MPHOSPH8: variants seen among roughly 807,000 people sequenced by gnomAD.
MPHOSPH8 encodes M-phase phosphoprotein 8, also known as M-phase phosphoprotein, mpp.
A neutral mutation model predicts 87.3 loss-of-function variants in MPHOSPH8; 45 were observed. The observed-to-expected ratio is 0.52, with a 90% CI of 0.41 to 0.66. The LOEUF (loss-of-function observed/expected upper bound fraction) is 0.66, where lower values mean the gene tolerates loss of function less well. Among genes scored for constraint, MPHOSPH8 ranks in the 30% least tolerant of loss-of-function variants. MPHOSPH8 has a pLI of 0.00. For missense variants in MPHOSPH8, 883 were observed against 1,020.2 expected, an observed-to-expected ratio of 0.87 and a Z score of 1.83; for synonymous variants, 366 against 376.9, an observed-to-expected ratio of 0.97 and a Z score of 0.33.
At position 19,672,782 on chromosome 13, in the gene MPHOSPH8, A is replaced by G. The variant is rs1876208727; in HGVS notation, c.*907A>G. The G allele has an allele frequency of 8.7e-6, 2 of 229,348 alleles. No homozygotes were observed. The highest frequency in any genetic ancestry group is 4.9e-5 in the Admixed American group (1 of 20,446). 14.2% of individuals were successfully genotyped at this position (229,348 alleles called of 1,614,324 possible). ...TAGTAAGAATGTAAACCAGTACACT[A>G]TGAGACCTAAAAGAGAGTATTAAAT... On this transcript the variant is annotated 3_prime_UTR_variant, in exon 14 of 14. Coordinates refer to ENST00000361479, the MANE Select transcript of MPHOSPH8 (RefSeq NM_017520.4).
intron 10 of MPHOSPH8, among the ~76,000 whole-genome samples, chr13:19,667,504 G>T (rs978054628): frequency 1.2e-4 from 19 of 152,114 alleles, no homozygotes; most frequent in Admixed American, 1.1e-3. Context: ...TAAAAAGCCT[G>T]TGTTTTCCAC....
chr13:19,670,003 C>T lies in MPHOSPH8; in HGVS notation c.2330-233C>T, dbSNP rs111438592. 2.1e-3 allele frequency among the ~76,000 whole-genome samples: 322 copies of T among 152,250 alleles called. 1 individual carries two copies. The highest frequency in any genetic ancestry group is 5.7e-3 in the African/African-American group (237 of 41,532). On this transcript the variant is annotated intron_variant, in intron 11 of 13. Transcript: ENST00000361479. ...TAGAAAATCATACGTAAGTCTTTTC[C>T]AGGAACTGTCAGCAGAGATTACTTG...
chr13:19,660,150 A>G (rs1031662498), intron 7 of MPHOSPH8, among the ~76,000 whole-genome samples: 2 of 142,102 alleles, frequency 1.4e-5, no homozygotes, highest in African/African-American at 5.2e-5. Context: ...TTTTTTTTTT[A>G]GTAGAGACGG....
chr13:19,650,348 A>T, intron 5 of MPHOSPH8, 88 bp downstream of exon 5: 5 of 1,412,574 alleles, frequency 3.5e-6, no homozygotes, highest in Non-Finnish European at 4.8e-6. Flanking sequence ...GATCTCAACG[A>T]TCAAAAAATA....
intron 5 of MPHOSPH8, among the ~76,000 whole-genome samples, chr13:19,655,667 A>G (rs1217919891): frequency 1.3e-5 from 2 of 152,164 alleles, no homozygotes; most frequent in Admixed American, 1.3e-4. Context: ...TACAGGCATG[A>G]GCCACCATGA....
intron 13 of MPHOSPH8, 78 bp from the exon 14 acceptor site, chr13:19,671,756 G>T: frequency 7.6e-7 from 1 of 1,308,246 alleles, no homozygotes; most frequent in Non-Finnish European, 1.1e-6. Context: ...AGCAAATCTT[G>T]GCCATTTGTG....
At chr13:19,655,308 A>C (rs1875093612) in intron 5 of MPHOSPH8, among the ~76,000 whole-genome samples, 1 of 152,084 alleles carries the variant, frequency 6.6e-6, no homozygotes, top group Admixed American at 6.5e-5. Context: ...CTGTCTGTAC[A>C]AAAAATTAAA....
chr13:19,667,906 G>C (rs1389335863), intron 10 of MPHOSPH8, among the ~76,000 whole-genome samples: 1 of 152,182 alleles, frequency 6.6e-6, no homozygotes, highest in African/African-American at 2.4e-5. Flanking sequence ...TTATGTAGCA[G>C]GTCTCGGGTG....
chr13:19,658,715 A>C (rs756859050), intron 5 of MPHOSPH8, among the ~76,000 whole-genome samples: 14 of 152,286 alleles, frequency 9.2e-5, no homozygotes, highest in Admixed American at 2.0e-4. Flanking sequence ...CCTTCCTTTG[A>C]GCTACTTAGT....
rs369475371 is a variant in MPHOSPH8, at chr13:19,648,554, G to A, written c.1318+33G>A. 3.2e-3 allele frequency: 3,649 copies of A among 1,123,000 alleles called. 7 individuals carry two copies. Among genetic ancestry groups the A allele is most frequent in the Non-Finnish European group, 3.8e-3 (3,152 of 823,976 alleles). 69.6% of individuals were successfully genotyped at this position (1,123,000 alleles called of 1,614,324 possible). On this transcript the variant is annotated intron_variant, in intron 4 of 13. Coordinates refer to ENST00000361479, the MANE Select transcript of MPHOSPH8 (RefSeq NM_017520.4). ...TAAATATTAACGTTTTGCCATTTAC[G>A]TTGCTATCTTTTATACAAATAACCA... is the stretch of plus-strand genomic sequence containing the variant.
intron 1 of MPHOSPH8, among the ~76,000 whole-genome samples, chr13:19,640,736 T>G (rs2137500340): frequency 6.6e-6 from 1 of 152,254 alleles, no homozygotes; most frequent in Admixed American, 6.5e-5. Flanking sequence ...GAATTTATTC[T>G]AACAACTTAA....
Position 19,633,957 on chromosome 13 carries a change from A to T in MPHOSPH8, c.209A>T (p.Glu70Val), listed in dbSNP as rs1873851925. 1 of 1,606,786 alleles carries T rather than the reference A, an allele frequency of 6.2e-7. No homozygotes were observed. Among genetic ancestry groups the T allele is most frequent in the East Asian group, 2.2e-5 (1 of 44,622 alleles). ...GAGAAGATCCTGGACATGAAGACCG[A>T]GGGGGTATGTGGAGGGGCCCCGGCG... ...EVEKILDMKT[E>V]GGKVLYKVRW... Residue 70 changes from glutamate to valine, a missense_variant, in exon 1 of 14, where the codon GAG (glutamate) becomes GTG (valine). Coordinates refer to ENST00000361479, the MANE Select transcript of MPHOSPH8 (RefSeq NM_017520.4).
intron 11 of MPHOSPH8, 100 bp from the exon 12 acceptor site, chr13:19,670,136 C>A (rs1396975749): frequency 2.1e-6 from 3 of 1,421,922 alleles, no homozygotes; most frequent in Non-Finnish European, 2.9e-6. Context: ...GCCTGTCTGA[C>A]CAGGCCCAGC....
intron 8 of MPHOSPH8, 59 bp from the exon 9 acceptor site, chr13:19,662,981 C>G (rs1875628253): frequency 1.4e-6 from 2 of 1,427,674 alleles, no homozygotes; most frequent in African/African-American, 1.4e-5. Context: ...TTCAAAATAT[C>G]TGAAAACTGT....
intron 1 of MPHOSPH8, among the ~76,000 whole-genome samples, 154 bp downstream of exon 1, chr13:19,634,115 G>A (rs1873864049): frequency 6.6e-6 from 1 of 152,220 alleles, no homozygotes; most frequent in Non-Finnish European, 1.5e-5. Flanking sequence ...GAAAAGCGAA[G>A]TGACATTTCC....
At chr13:19,648,391 A>T in intron 3 of MPHOSPH8, 31 bp from the exon 4 acceptor site, 1 of 1,411,324 alleles carries the variant, frequency 7.1e-7, no homozygotes. Context: ...CTCTTTATCC[A>T]TTCTTGTTTT....
At chr13:19,666,712 C>T in intron 10 of MPHOSPH8, 133 bp downstream of exon 10, 1 of 694,612 alleles carries the variant, frequency 1.4e-6, no homozygotes, top group Non-Finnish European at 2.2e-6. Context: ...GGTTTTGTTT[C>T]CAGTAGATCA....
At chr13:19,668,241 T>C (rs1326221656) in intron 10 of MPHOSPH8, 136 bp from the exon 11 acceptor site, 1 of 684,226 alleles carries the variant, frequency 1.5e-6, no homozygotes, top group Non-Finnish European at 2.4e-6. Flanking sequence ...TTGGTGGAAG[T>C]AGAGCTGGAA....
At chr13:19,671,382 G>A in intron 13 of MPHOSPH8, 93 bp downstream of exon 13, 1 of 1,151,260 alleles carries the variant, frequency 8.7e-7, no homozygotes, top group Non-Finnish European at 1.3e-6. Flanking sequence ...AAGAATCCTG[G>A]TGTACCTGTC....
Sources: allele counts gnomAD v4.1 joint callset (sites outside exome capture counted in the v4.1 genomes callset), GRCh38; gene constraint gnomAD v4.1.1; transcripts MANE v1.5; gene names NCBI Gene and HGNC (gene_info 2026-07-23, HGNC 2026-07-21).